KCNC2: variants seen among roughly 807,000 people sequenced by gnomAD.
KCNC2 encodes the protein potassium voltage-gated channel subfamily C member 2.
In KCNC2, 21 loss-of-function variants were observed where a neutral mutation model predicts 44.5. That is an observed-to-expected ratio of 0.47 (90% CI 0.33 to 0.68). KCNC2 has a LOEUF of 0.68. Ranked by LOEUF, KCNC2 falls within the 30% of genes least tolerant of loss-of-function variation. KCNC2 has a pLI of 0.01. For synonymous variants in KCNC2, 391 were observed against 339.1 expected (o/e 1.15, Z -1.68); for missense variants, 589 against 826.2 (o/e 0.71, Z 3.52).
At chr12:75,075,458 CATATAT>C (rs5799200) in intron 2 of KCNC2, among the ~76,000 whole-genome samples, 130,650 of 145,636 alleles carry the variant, frequency 0.9, 58,418 homozygotes, top group Admixed American at 0.93. Context: ...TATATATATA[CATATAT>C]ATATATATAT....
intron 2 of KCNC2, among the ~76,000 whole-genome samples, chr12:75,073,190 T>C (rs1363798317): frequency 6.6e-6 from 1 of 152,204 alleles, no homozygotes; most frequent in East Asian, 1.9e-4. Flanking sequence ...ACTTTCTAAG[T>C]TGTTCTGAAA....
At chr12:75,046,625 CAT>C (rs1213826158) in intron 4 of KCNC2, among the ~76,000 whole-genome samples, 1 of 151,764 alleles carries the variant, frequency 6.6e-6, no homozygotes, top group African/African-American at 2.4e-5. Flanking sequence ...TATTATTTAA[CAT>C]GTACATATAT....
Position 75,207,885 on chromosome 12 carries a change from G to A in KCNC2, c.99C>T (p.Arg33=), listed in dbSNP as rs146576149. The change falls in exon 2 of 5, where the codon CGC becomes CGT. Residue 33 remains arginine, a synonymous_variant. Coordinates refer to ENST00000549446, the MANE Select transcript of KCNC2 (RefSeq NM_139137.4). The surrounding 1 kb of genome is among the most constrained non-coding windows in gnomAD (Gnocchi z 4.1). ...GCTCGGAGGAGGCAAGAAGGGCCAGGCGTGTTCCAGGCAGGGTCTTGAGGG... is the reference window on the plus strand; with the variant it reads ...GCTCGGAGGAGGCAAGAAGGGCCAGACGTGTTCCAGGCAGGGTCTTGAGGG... ...RSTLKTLPGT[R]LALLASSEPP... The A allele has an allele frequency of 6.5e-4, 1,048 of 1,612,778 alleles. 3 individuals carry two copies. Among genetic ancestry groups the A allele is most frequent in the Admixed American group, 2.2e-3 (129 of 60,000 alleles).
At position 75,042,224 on chromosome 12, in the gene KCNC2, G is replaced by C. The variant is rs1427657712; in HGVS notation, c.*881C>G. The C allele has an allele frequency of 1.9e-6, 3 of 1,550,594 alleles. No homozygotes were observed. Among genetic ancestry groups the C allele is most frequent in the Admixed American group, 2.0e-5 (1 of 48,942 alleles). ...CCTGGGTATTTTTTTTTTTTAAAGA[G>C]TCTAGAACCAAGCAGCAATTTCTGG... is the stretch of plus-strand genomic sequence containing the variant. On this transcript the variant is annotated 3_prime_UTR_variant, in exon 5 of 5. Coordinates refer to ENST00000549446, the MANE Select transcript of KCNC2 (RefSeq NM_139137.4).
chr12:75,057,963 G>A (rs866737758), intron 2 of KCNC2, among the ~76,000 whole-genome samples: 25 of 151,826 alleles, frequency 1.6e-4, no homozygotes, highest in African/African-American at 4.8e-4. Context: ...GTAATTGTTT[G>A]TTTAGAGTCA....
chr12:75,133,232 G>A (rs973353621), intron 2 of KCNC2, among the ~76,000 whole-genome samples: 1 of 151,870 alleles, frequency 6.6e-6, no homozygotes, highest in Admixed American at 6.6e-5. Flanking sequence ...ACAATGGGAA[G>A]ACTATAGTTA....
intron 2 of KCNC2, among the ~76,000 whole-genome samples, chr12:75,070,015 C>T (rs1883240515): frequency 6.6e-6 from 1 of 152,196 alleles, no homozygotes; most frequent in African/African-American, 2.4e-5. Flanking sequence ...ATTTATCTCT[C>T]TGGTTCCTTT....
At chr12:75,195,217 G>A (rs1165379438) in intron 2 of KCNC2, among the ~76,000 whole-genome samples, 1 of 152,082 alleles carries the variant, frequency 6.6e-6, no homozygotes, top group Non-Finnish European at 1.5e-5. Flanking sequence ...ACAGAGGATT[G>A]CTTATCTCAC....
At chr12:75,200,870 C>T (rs967697824) in intron 2 of KCNC2, among the ~76,000 whole-genome samples, 1 of 151,678 alleles carries the variant, frequency 6.6e-6, no homozygotes, top group African/African-American at 2.4e-5. Flanking sequence ...ATTTTGTAAA[C>T]ACTTAAATAT....
At chr12:75,121,324 C>A (rs1888031393) in intron 2 of KCNC2, among the ~76,000 whole-genome samples, 1 of 152,174 alleles carries the variant, frequency 6.6e-6, no homozygotes, top group Admixed American at 6.5e-5. Flanking sequence ...TTGCTAAGTC[C>A]TCTTTTTCAT....
chr12:75,143,831 T>C (rs1302168540), intron 2 of KCNC2, among the ~76,000 whole-genome samples: 1 of 152,204 alleles, frequency 6.6e-6, no homozygotes, highest in Non-Finnish European at 1.5e-5. Flanking sequence ...GTAACTCAGA[T>C]TGAAAACTCT....
chr12:75,177,521 G>A (rs908190251), intron 2 of KCNC2, among the ~76,000 whole-genome samples: 8 of 152,012 alleles, frequency 5.3e-5, no homozygotes, highest in African/African-American at 1.9e-4. Context: ...AGAGGATAAA[G>A]GAGCTGTTAG....
At chr12:75,068,729 AGGTCTTTG>A (rs1883086645) in intron 2 of KCNC2, among the ~76,000 whole-genome samples, 1 of 149,212 alleles carries the variant, frequency 6.7e-6, no homozygotes, top group South Asian at 2.1e-4. Flanking sequence ...AACTTAAAAT[AGGTCTTTG>A]GGTTTGGAAA....
At chr12:75,107,642 G>T (rs1320343242) in intron 2 of KCNC2, among the ~76,000 whole-genome samples, 1 of 146,516 alleles carries the variant, frequency 6.8e-6, no homozygotes, top group Non-Finnish European at 1.5e-5. Flanking sequence ...GCAAATACTC[G>T]CAAGTAACAC....
chr12:75,043,210 T>C lies in KCNC2; in HGVS notation c.1812A>G (p.Ile604Met). 6.2e-7 allele frequency: 1 copy of C among 1,612,396 alleles called. No homozygotes were observed. Among genetic ancestry groups the C allele is most frequent in the South Asian group, 1.1e-5 (1 of 91,060 alleles). The change falls in exon 5 of 5, where the codon ATA (isoleucine) becomes ATG (methionine). Residue 604 changes from isoleucine (I) to methionine (M), a missense_variant. Transcript: ENST00000549446. ...GYEKSRSLNN[I>M]AGLAGNALRL... The stretch of plus-strand genomic sequence containing the variant: ...TCAGAGCATTGCCTGCCAAGCCCGC[T>C]ATGTTGTTTAAGCTTCGGGATTTTT...
At chr12:75,045,311 G>T (rs530039866) in intron 4 of KCNC2, among the ~76,000 whole-genome samples, 38 of 151,968 alleles carry the variant, frequency 2.5e-4, no homozygotes, top group Admixed American at 1.7e-3. Context: ...TATAAAACTT[G>T]GTTGCCATTC....
chr12:75,167,366 T>C lies in KCNC2; in HGVS notation c.687+39931A>G, dbSNP rs193221495. ...TTTTGTAAATACTTCAAAGAGAAAA[T>C]AGATGGATTAAAAATAATCTAGCAT... is the stretch of plus-strand genomic sequence containing the variant. On this transcript the variant is annotated intron_variant, in intron 2 of 4. Transcript: ENST00000549446. Among the ~76,000 whole-genome samples, 625 of 151,300 alleles carry C rather than the reference T, an allele frequency of 4.1e-3. 3 individuals carry two copies. Among genetic ancestry groups the C allele is most frequent in the Non-Finnish European group, 6.3e-3 (423 of 67,456 alleles).
Position 75,209,204 on chromosome 12 carries a change from T to C in KCNC2, c.-20+3A>G, listed in dbSNP as rs2031953372. Reference sequence around the variant, plus strand: ...CACCACCCCCGCCCCCATTTCCAGATACCTTAACGAGACCGAGAGAAAAGT... The same window carrying C: ...CACCACCCCCGCCCCCATTTCCAGACACCTTAACGAGACCGAGAGAAAAGT... On this transcript the variant is annotated splice_donor_region_variant and intron_variant, in intron 1 of 4. Transcript: ENST00000549446. 6.6e-6 allele frequency: 1 copy of C among 152,290 alleles called. No homozygotes were observed. The allele number at this position is 152,290 out of a possible 1,614,324, so 9.4% of individuals were successfully genotyped here. A position where few individuals can be genotyped will look rare whatever the true frequency, so the allele number is the denominator to read the frequency against.
intron 2 of KCNC2, among the ~76,000 whole-genome samples, chr12:75,064,356 CTA>C (rs769299037): frequency 2.6e-4 from 40 of 152,142 alleles, no homozygotes; most frequent in Non-Finnish European, 4.3e-4. Context: ...ATAACACCTT[CTA>C]TCTTTCATGA....
Sources: allele counts gnomAD v4.1 joint callset (sites outside exome capture counted in the v4.1 genomes callset), GRCh38; gene constraint gnomAD v4.1.1; non-coding constraint Gnocchi (gnomAD v3.1); transcripts MANE v1.5; gene names NCBI Gene and HGNC (gene_info 2026-07-23, HGNC 2026-07-21).